The following DPP10 variants were observed in gnomAD, a reference collection of about 807,000 sequenced individuals.
DPP10 encodes the protein inactive dipeptidyl peptidase 10.
DPP10 carries 33 observed loss-of-function variants against 120.9 expected under a neutral mutation model. The ratio of observed to expected loss-of-function variants is 0.27; its 90% CI spans 0.21 to 0.37. The LOEUF (loss-of-function observed/expected upper bound fraction) is 0.37, where lower values mean the gene tolerates loss of function less well. Among genes scored for constraint, DPP10 ranks in the 10% least tolerant of loss-of-function variants. The pLI is 1.00. For missense variants in DPP10, 816 were observed against 942.8 expected (o/e 0.87, Z 1.76); for synonymous variants, 337 against 326.1 (o/e 1.03, Z -0.36).
At chr2:115,540,357 T>TA (rs1205039201) in intron 5 of DPP10, among the ~76,000 whole-genome samples, 3 of 151,882 alleles carry the variant, frequency 2.0e-5, no homozygotes, top group Non-Finnish European at 4.4e-5. Flanking sequence ...AACTGGAACT[T>TA]AATCTGTGAG....
At chr2:114,672,049 T>TG (rs1291505680) in intron 1 of DPP10, among the ~76,000 whole-genome samples, 1 of 152,180 alleles carries the variant, frequency 6.6e-6, no homozygotes, top group African/African-American at 2.4e-5. Context: ...GTTTTCCTCA[T>TG]GGTGCTATTA....
chr2:115,139,668 G>A (rs528561013), intron 1 of DPP10, among the ~76,000 whole-genome samples: 2 of 138,708 alleles, frequency 1.4e-5, no homozygotes, highest in Admixed American at 1.7e-4. Flanking sequence ...AAACACCTAG[G>A]GATGCTGCAG....
intron 5 of DPP10, among the ~76,000 whole-genome samples, chr2:115,551,376 G>T (rs113292194): frequency 2.8e-3 from 419 of 152,216 alleles, no homozygotes; most frequent in African/African-American, 9.7e-3. Flanking sequence ...CCAAGACTGG[G>T]CTGTAGTTAA....
intron 4 of DPP10, among the ~76,000 whole-genome samples, chr2:115,520,609 T>C (rs979864130): frequency 6.6e-6 from 1 of 152,160 alleles, no homozygotes; most frequent in Non-Finnish European, 1.5e-5. Flanking sequence ...ACTACACAGT[T>C]CCTAAGGTTC....
intron 1 of DPP10, chr2:115,162,150 GC>G: frequency 6.5e-7 from 1 of 1,531,658 alleles, no homozygotes; most frequent in Non-Finnish European, 8.8e-7. Context: ...CCCCCGCCCC[GC>G]CCCAGTTCCA....
intron 1 of DPP10, among the ~76,000 whole-genome samples, chr2:114,740,897 T>C (rs1013248450): frequency 3.3e-5 from 5 of 152,286 alleles, no homozygotes; most frequent in South Asian, 2.1e-4. Context: ...GACTTCATGA[T>C]ACCATAGTTT....
chr2:115,028,066 C>T (rs116358611), intron 1 of DPP10, among the ~76,000 whole-genome samples: 371 of 151,880 alleles, frequency 2.4e-3, no homozygotes, highest in African/African-American at 8.4e-3. Context: ...TTCGTTTTAT[C>T]GACCTGTTTT....
At chr2:115,680,110 A>G (rs1006679376) in intron 5 of DPP10, among the ~76,000 whole-genome samples, 2 of 152,000 alleles carry the variant, frequency 1.3e-5, no homozygotes, top group African/African-American at 2.4e-5. Context: ...TGTATTCCCC[A>G]AAATATGTAC....
chr2:114,651,368 G>A (rs1696569850), intron 1 of DPP10, among the ~76,000 whole-genome samples: 3 of 152,102 alleles, frequency 2.0e-5, no homozygotes, highest in African/African-American at 7.2e-5. Context: ...ACTTTTGCGT[G>A]AGTGGCAAGG....
At chr2:114,989,765 G>A (rs1222447953) in intron 1 of DPP10, among the ~76,000 whole-genome samples, 2 of 152,188 alleles carry the variant, frequency 1.3e-5, no homozygotes. Context: ...TGATACAGAA[G>A]TTTAAAATAA....
At chr2:115,789,740 T>C (rs1232966582) in intron 17 of DPP10, among the ~76,000 whole-genome samples, 1 of 152,192 alleles carries the variant, frequency 6.6e-6, no homozygotes, top group African/African-American at 2.4e-5. Context: ...CAATAAACTA[T>C]TGAAAATAAG....
intron 3 of DPP10, among the ~76,000 whole-genome samples, chr2:115,397,867 A>G (rs1463332844): frequency 3.3e-5 from 5 of 152,152 alleles, no homozygotes; most frequent in Non-Finnish European, 7.4e-5. Flanking sequence ...CGGTGTATGT[A>G]ATTATATTCT....
At chr2:115,325,052 C>G (rs2062278472) in intron 2 of DPP10, among the ~76,000 whole-genome samples, 1 of 151,888 alleles carries the variant, frequency 6.6e-6, no homozygotes, top group Admixed American at 6.6e-5. Flanking sequence ...GATCCCTGAT[C>G]ACAGATCACC....
At chr2:114,488,099 A>C (rs919284271) in intron 1 of DPP10, among the ~76,000 whole-genome samples, 2 of 152,200 alleles carry the variant, frequency 1.3e-5, no homozygotes, top group African/African-American at 2.4e-5. Context: ...AATTTCAACT[A>C]TTTAAATTTT....
chr2:115,465,587 C>G (rs565307063), intron 3 of DPP10, among the ~76,000 whole-genome samples: 1 of 152,232 alleles, frequency 6.6e-6, no homozygotes, highest in African/African-American at 2.4e-5. Flanking sequence ...CTTTGGGAGG[C>G]CAAGGCAGGT....
chr2:114,955,760 T>C (rs962050374), intron 1 of DPP10, among the ~76,000 whole-genome samples: 9 of 152,156 alleles, frequency 5.9e-5, no homozygotes, highest in Non-Finnish European at 1.3e-4. Context: ...TCAAGTGAGA[T>C]TTATGCTTGG....
intron 7 of DPP10, among the ~76,000 whole-genome samples, chr2:115,716,181 C>G (rs145964247): frequency 6.6e-6 from 1 of 152,150 alleles, no homozygotes; most frequent in African/African-American, 2.4e-5. Flanking sequence ...AAAACACTAG[C>G]AGACAGTTTA....
intron 11 of DPP10, among the ~76,000 whole-genome samples, chr2:115,760,995 G>A (rs1475843475): frequency 6.6e-6 from 1 of 151,712 alleles, no homozygotes; most frequent in Admixed American, 6.6e-5. Flanking sequence ...TACTCAGGAT[G>A]CTGAGGCAGG....
chr2:115,780,786 G>C lies in DPP10; in HGVS notation c.1362-88G>C, dbSNP rs1012768741. On this transcript the variant is annotated intron_variant, in intron 15 of 25. Coordinates refer to ENST00000410059, the MANE Select transcript of DPP10 (RefSeq NM_020868.6). Reference sequence around the variant, plus strand: ...ATGCAAGCACCGATGTAACTCCCTTGTTTATATTATATTTAAATATGAACA... The same window carrying C: ...ATGCAAGCACCGATGTAACTCCCTTCTTTATATTATATTTAAATATGAACA... The C allele has an allele frequency of 6.2e-6, 8 of 1,288,080 alleles. No individual in the cohort carries two copies. The South Asian group carries it at 1.3e-4, about 21-fold the overall frequency. 79.8% of individuals were successfully genotyped at this position (1,288,080 alleles called of 1,614,324 possible).
Sources: allele counts gnomAD v4.1 joint callset (sites outside exome capture counted in the v4.1 genomes callset), GRCh38; gene constraint gnomAD v4.1.1; transcripts MANE v1.5; gene names NCBI Gene and HGNC (gene_info 2026-07-23, HGNC 2026-07-21).